PCDH7: variants seen among roughly 807,000 people sequenced by gnomAD.
PCDH7 encodes the protein protocadherin-7.
A neutral mutation model predicts 58.9 loss-of-function variants in PCDH7; 17 were observed. The ratio of observed to expected loss-of-function variants is 0.29; its 90% CI spans 0.20 to 0.43. The LOEUF (loss-of-function observed/expected upper bound fraction) is 0.43. Ranked by LOEUF, PCDH7 falls within the 20% of genes least tolerant of loss-of-function variation. The pLI is 1.00. For synonymous variants in PCDH7, 664 were observed against 616.4 expected (o/e 1.08, Z -1.14); for missense variants, 1,274 against 1,441.0 (o/e 0.88, Z 1.88).
intron 3 of PCDH7, among the ~76,000 whole-genome samples, chr4:30,957,063 CT>C (rs1243557697): frequency 4.6e-5 from 7 of 152,266 alleles, no homozygotes; most frequent in Middle Eastern, 6.8e-3. Context: ...TATATTCCAA[CT>C]TAAAATCAGC....
chr4:30,898,653 C>T (rs780044761), intron 1 of PCDH7, among the ~76,000 whole-genome samples: 35 of 152,116 alleles, frequency 2.3e-4, no homozygotes, highest in Admixed American at 1.4e-3. Context: ...TGCAGTGGCG[C>T]GATCTAAGCT....
chr4:31,044,038 G>T (rs548652072), intron 3 of PCDH7, among the ~76,000 whole-genome samples: 30 of 152,206 alleles, frequency 2.0e-4, no homozygotes, highest in African/African-American at 7.2e-4. Flanking sequence ...GGCAGCTTCT[G>T]GTGTAACTTA....
chr4:30,782,709 T>C (rs1722952433), intron 1 of PCDH7, among the ~76,000 whole-genome samples: 1 of 152,170 alleles, frequency 6.6e-6, no homozygotes, highest in Admixed American at 6.5e-5. Context: ...AAGATGTGGG[T>C]AGTCATAGAA....
intron 3 of PCDH7, among the ~76,000 whole-genome samples, chr4:30,958,276 T>C (rs182284305): frequency 1.3e-5 from 2 of 152,194 alleles, no homozygotes; most frequent in Admixed American, 1.3e-4. Flanking sequence ...TATAGTTAAC[T>C]GGGCAGATAA....
intron 1 of PCDH7, among the ~76,000 whole-genome samples, chr4:30,825,807 A>G (rs16884138): frequency 0.012 from 1,831 of 152,274 alleles, 44 homozygotes; most frequent in African/African-American, 0.042. Flanking sequence ...TTAAAATTCT[A>G]AAATGGCAGG....
downstream of PCDH7, chr4:31,145,933 C>G (rs990537489): frequency 6.6e-6 from 1 of 151,974 alleles, no homozygotes; most frequent in African/African-American, 2.4e-5. Flanking sequence ...TTTCTGTACA[C>G]AAGACTCTCA....
chr4:30,932,352 A>T (rs1744748135), intron 2 of PCDH7, among the ~76,000 whole-genome samples: 1 of 152,234 alleles, frequency 6.6e-6, no homozygotes, highest in Non-Finnish European at 1.5e-5. Flanking sequence ...AAGTCATACT[A>T]ATAATGATTT....
intron 3 of PCDH7, among the ~76,000 whole-genome samples, chr4:31,046,842 T>A (rs2109213530): frequency 6.6e-6 from 1 of 152,102 alleles, no homozygotes; most frequent in East Asian, 1.9e-4. Flanking sequence ...AAAGGAAAAA[T>A]CAATTAGTTA....
In PCDH7 at chr4:30,980,346, TG is replaced by T. The variant is rs573746770; in HGVS notation, c.*7+30132del. Among the ~76,000 whole-genome samples, 780 of 152,322 alleles carry T rather than the reference TG, an allele frequency of 5.1e-3. 3 individuals carry two copies. The highest frequency in any genetic ancestry group is 0.01 in the Middle Eastern group (3 of 294). ...CTAAGATGGTACAACTAATATAAAT[TG>T]TTTTTTTTGTGTGTGTGTCTGTTTC... On this transcript the variant is annotated intron_variant, in intron 3 of 3. Coordinates refer to the PCDH7 transcript ENST00000509759.
intron 3 of PCDH7, among the ~76,000 whole-genome samples, chr4:31,103,131 G>A (rs1715108380): frequency 1.3e-5 from 2 of 152,082 alleles, no homozygotes; most frequent in East Asian, 1.9e-4. Context: ...CTTACAAGAC[G>A]TATGACTAAC....
chr4:30,828,258 A>G (rs1471530770), intron 1 of PCDH7, among the ~76,000 whole-genome samples: 1 of 151,284 alleles, frequency 6.6e-6, no homozygotes, highest in East Asian at 1.9e-4. Context: ...AAAAAAAAAT[A>G]TGTTGAAAGC....
chr4:31,118,747 C>G (rs1717296300), intron 3 of PCDH7, among the ~76,000 whole-genome samples: 1 of 152,082 alleles, frequency 6.6e-6, no homozygotes, highest in Non-Finnish European at 1.5e-5. Flanking sequence ...ATACCTAAAA[C>G]ACTAACATAG....
chr4:31,142,785 C>T (rs764887722), exon 4 of PCDH7: 1 of 1,366,770 alleles, frequency 7.3e-7, no homozygotes, highest in Non-Finnish European at 9.8e-7. Context: ...ATTCCCCTTA[C>T]AAAAACAGGG....
At chr4:30,796,781 A>G (rs1272460258) in intron 1 of PCDH7, among the ~76,000 whole-genome samples, 1 of 151,852 alleles carries the variant, frequency 6.6e-6, no homozygotes, top group African/African-American at 2.4e-5. Context: ...CTAGAGCTCT[A>G]TTTTCCAACT....
chr4:31,116,790 A>G (rs2109318278), intron 3 of PCDH7, among the ~76,000 whole-genome samples: 1 of 152,304 alleles, frequency 6.6e-6, no homozygotes, highest in Admixed American at 6.5e-5. Context: ...CATATTGTAT[A>G]TTATCTAACA....
In PCDH7 at chr4:30,825,677, A is replaced by G. The variant is rs138445567; in HGVS notation, c.71-94476A>G. Among the ~76,000 whole-genome samples the G allele has an allele frequency of 1.1e-4, 16 of 152,272 alleles. No homozygotes were observed. The East Asian group carries it at 3.1e-3, about 29-fold the overall frequency. ...TGCAGCAATGACAAGGAATGGGTCA[A>G]AATTTCATTGGGGACTTTTGAGAAG... On this transcript the variant is annotated intron_variant, in intron 1 of 3. Coordinates refer to the PCDH7 transcript ENST00000509759.
intron 1 of PCDH7, among the ~76,000 whole-genome samples, chr4:30,788,686 C>A (rs937268220): frequency 6.6e-6 from 1 of 151,998 alleles, no homozygotes; most frequent in Admixed American, 6.6e-5. Flanking sequence ...AAGAGTTTAT[C>A]TTAGACACTT....
chr4:30,838,403 C>CA (rs1730782956), intron 1 of PCDH7, among the ~76,000 whole-genome samples: 2 of 151,972 alleles, frequency 1.3e-5, no homozygotes. Context: ...CTTTTCTTGA[C>CA]ACCTTAGCAT....
chr4:30,828,853 G>T (rs1729428138), intron 1 of PCDH7, among the ~76,000 whole-genome samples: 1 of 150,970 alleles, frequency 6.6e-6, no homozygotes, highest in Non-Finnish European at 1.5e-5. Context: ...TGTTGTTGTT[G>T]TTAAACCCAT....
Sources: gnomAD v4.1 joint callset for allele counts (sites outside exome capture counted in the v4.1 genomes callset) on GRCh38, gnomAD v4.1.1 for gene constraint, MANE v1.5 for transcripts, NCBI Gene and HGNC (gene_info 2026-07-23, HGNC 2026-07-21) for gene names.